PCSK2: variants seen among roughly 807,000 people sequenced by gnomAD.
PCSK2 encodes the protein neuroendocrine convertase 2.
A neutral mutation model predicts 69.7 loss-of-function variants in PCSK2; 14 were observed. That is an observed-to-expected ratio of 0.20 (90% CI 0.13 to 0.31). The LOEUF (loss-of-function observed/expected upper bound fraction) is 0.31. PCSK2 is among the 10% of genes least tolerant of loss of function. The pLI is 1.00. For synonymous variants in PCSK2, 307 were observed against 320.7 expected (o/e 0.96, Z 0.46); for missense variants, 544 against 842.5 (o/e 0.65, Z 4.39).
At chr20:17,286,271 A>C (rs990189282) in intron 2 of PCSK2, among the ~76,000 whole-genome samples, 5 of 152,220 alleles carry the variant, frequency 3.3e-5, no homozygotes, top group Admixed American at 3.3e-4. Context: ...TATCTGAAAT[A>C]AAAACAAGCC....
At chr20:17,406,627 T>A (rs191567117) in intron 5 of PCSK2, among the ~76,000 whole-genome samples, 1 of 152,194 alleles carries the variant, frequency 6.6e-6, no homozygotes, top group Non-Finnish European at 1.5e-5. Flanking sequence ...CAAACTATTT[T>A]CCCAGAGTCA....
intron 6 of PCSK2, among the ~76,000 whole-genome samples, chr20:17,412,118 T>C (rs919200836): frequency 6.6e-6 from 1 of 152,204 alleles, no homozygotes; most frequent in African/African-American, 2.4e-5. Flanking sequence ...CGAGTGCCTC[T>C]TCTCCTCCAA....
intron 2 of PCSK2, among the ~76,000 whole-genome samples, chr20:17,300,745 C>T (rs973376265): frequency 3.3e-5 from 5 of 151,760 alleles, no homozygotes; most frequent in African/African-American, 1.2e-4. Flanking sequence ...CAATAAAGTC[C>T]AAGATAATTC....
intron 4 of PCSK2, among the ~76,000 whole-genome samples, chr20:17,364,357 C>T (rs879309519): frequency 2.0e-5 from 3 of 152,160 alleles, no homozygotes; most frequent in Non-Finnish European, 4.4e-5. Context: ...ACAGATAATC[C>T]TGTATTAGTC....
At position 17,422,292 on chromosome 20, in the gene PCSK2, T is replaced by C. The variant is rs60122435; in HGVS notation, c.621-7143T>C. Among the ~76,000 whole-genome samples the C allele has an allele frequency of 8.5e-3, 1,293 of 152,294 alleles. 20 individuals are homozygous for C. The highest frequency in any genetic ancestry group is 0.03 in the African/African-American group (1,244 of 41,550). On this transcript the variant is annotated intron_variant, in intron 6 of 11. Coordinates refer to ENST00000262545, the MANE Select transcript of PCSK2 (RefSeq NM_002594.5). ...TCTCTAAGTCTGACAAGATGTGGGT[T>C]CTCCCTATCATCCCTTTAATTCAAC...
chr20:17,308,372 A>G (rs1989396639), intron 2 of PCSK2, among the ~76,000 whole-genome samples: 1 of 152,228 alleles, frequency 6.6e-6, no homozygotes, highest in Non-Finnish European at 1.5e-5. Flanking sequence ...ATTAGAAAAG[A>G]TGGTCAGAAA....
intron 10 of PCSK2, among the ~76,000 whole-genome samples, chr20:17,462,005 A>T (rs1038593088): frequency 6.6e-6 from 1 of 152,120 alleles, no homozygotes. Context: ...ATGCTTGCTG[A>T]CCCCTGGACC....
chr20:17,429,763 C>T (rs895654217), intron 7 of PCSK2, among the ~76,000 whole-genome samples: 11 of 152,114 alleles, frequency 7.2e-5, no homozygotes, highest in Admixed American at 6.5e-4. Flanking sequence ...TGACTTTTCC[C>T]AAACTGGCCA....
rs2032855135 is a variant in PCSK2, at chr20:17,453,024, A to G, written c.886-718A>G. Among the ~76,000 whole-genome samples the G allele has an allele frequency of 6.6e-6, 1 of 152,222 alleles. No individual in the cohort carries two copies. Among genetic ancestry groups the G allele is most frequent in the African/African-American group, 2.4e-5 (1 of 41,464 alleles). Reference sequence around the variant, plus strand: ...ACTGTGTGTTTTACTTGATCATATTAGACTTTCCTCCTACATTTGGAGTTC... The same window carrying G: ...ACTGTGTGTTTTACTTGATCATATTGGACTTTCCTCCTACATTTGGAGTTC... On this transcript the variant is annotated intron_variant, in intron 8 of 11. Transcript: ENST00000262545. This position sits in a 1 kb window ranked among gnomAD's most constrained non-coding sequence, Gnocchi z 4.0.
intron 2 of PCSK2, among the ~76,000 whole-genome samples, chr20:17,269,578 T>A (rs533436883): frequency 6.6e-6 from 1 of 152,302 alleles, no homozygotes; most frequent in South Asian, 2.1e-4. Flanking sequence ...GGTTCACACA[T>A]GAACTTATGA....
intron 2 of PCSK2, among the ~76,000 whole-genome samples, chr20:17,338,173 G>C (rs1305259263): frequency 7.1e-6 from 1 of 140,900 alleles, no homozygotes; most frequent in Non-Finnish European, 1.5e-5. Flanking sequence ...ATTTTTTTTG[G>C]GGGGGGGGGT....
intron 7 of PCSK2, among the ~76,000 whole-genome samples, chr20:17,431,075 G>A (rs57489065): frequency 0.046 from 6,975 of 152,178 alleles, 226 homozygotes; most frequent in East Asian, 0.17. Context: ...CAAAACCTGA[G>A]ACAAGGATTC....
intron 1 of PCSK2, among the ~76,000 whole-genome samples, chr20:17,252,294 G>A (rs955724177): frequency 3.0e-4 from 46 of 152,250 alleles, no homozygotes; most frequent in African/African-American, 1.1e-3. Flanking sequence ...AACAGAAGTG[G>A]AAAAGAGTCT....
chr20:17,470,835 G>C (rs574808448), intron 11 of PCSK2, among the ~76,000 whole-genome samples: 23 of 152,092 alleles, frequency 1.5e-4, no homozygotes, highest in Non-Finnish European at 3.1e-4. Flanking sequence ...TGCCTTTACA[G>C]ACACTCTGCA....
intron 2 of PCSK2, among the ~76,000 whole-genome samples, chr20:17,294,222 A>C (rs1468345455): frequency 6.9e-6 from 1 of 144,766 alleles, no homozygotes; most frequent in African/African-American, 2.6e-5. Flanking sequence ...CTCCTGCCTC[A>C]GCCTCCCGAG....
chr20:17,363,244 C>T (rs1402275962), intron 4 of PCSK2, among the ~76,000 whole-genome samples: 1 of 152,184 alleles, frequency 6.6e-6, no homozygotes, highest in Non-Finnish European at 1.5e-5. Flanking sequence ...TCTGGTTGCC[C>T]AACTCCAAAC....
chr20:17,323,177 C>A (rs1269727286), intron 2 of PCSK2, among the ~76,000 whole-genome samples: 2 of 152,292 alleles, frequency 1.3e-5, no homozygotes, highest in East Asian at 3.9e-4. Flanking sequence ...GGCCCCACTT[C>A]TTAATACCAC....
chr20:17,444,172 A>G (rs565031483), intron 8 of PCSK2, among the ~76,000 whole-genome samples: 2 of 152,306 alleles, frequency 1.3e-5, no homozygotes, highest in Non-Finnish European at 2.9e-5. Flanking sequence ...TCAGAGAATT[A>G]CCTGTTACAC....
chr20:17,228,304 T>G (rs1380308425), intron 1 of PCSK2: 1 of 152,304 alleles, frequency 6.6e-6, no homozygotes, highest in Non-Finnish European at 1.5e-5. Flanking sequence ...AGCAGATAGG[T>G]GAGCCTCCCA....
Sources: allele counts gnomAD v4.1 joint callset (sites outside exome capture counted in the v4.1 genomes callset), GRCh38; gene constraint gnomAD v4.1.1; non-coding constraint Gnocchi (gnomAD v3.1); transcripts MANE v1.5; gene names NCBI Gene and HGNC (gene_info 2026-07-23, HGNC 2026-07-21).